Variants in FBXO11 observed in about 807,000 individuals in gnomAD.
FBXO11 encodes the protein F-box protein 11.
FBXO11 carries 13 observed loss-of-function variants against 117.0 expected under a neutral mutation model. That is an observed-to-expected ratio of 0.11 (90% confidence interval 0.07 to 0.18). The LOEUF is 0.18. Ranked by LOEUF, FBXO11 falls within the 10% of genes least tolerant of loss-of-function variation. FBXO11 has a pLI of 1.00. For synonymous variants in FBXO11, 490 were observed against 380.5 expected (o/e 1.29, Z -3.35); for missense variants, 767 against 1,164.4 (o/e 0.66, Z 4.97).
chr2:47,873,318 T>A (rs1053573619), intron 1 of FBXO11, among the ~76,000 whole-genome samples: 1 of 152,194 alleles, frequency 6.6e-6, no homozygotes, highest in East Asian at 1.9e-4. Context: ...GCTTTCCGCC[T>A]TGATGGTAAA....
chr2:47,807,146 G>T lies in FBXO11; in HGVS notation c.*972C>A. On this transcript the variant is annotated 3_prime_UTR_variant, in exon 23 of 23. Transcript: ENST00000403359. Reference sequence around the variant, plus strand: ...AGGAAAAGCTATGAAACTGTATAGGGCTGTATATATACTTGTCTCAGCTTA... The same window carrying T: ...AGGAAAAGCTATGAAACTGTATAGGTCTGTATATATACTTGTCTCAGCTTA... 2.5e-6 allele frequency: 1 copy of T among 393,750 alleles called. No individual in the cohort carries two copies. Among genetic ancestry groups the T allele is most frequent in the Admixed American group, 4.2e-5 (1 of 24,054 alleles). The allele number at this position is 393,750 out of a possible 1,614,324, so 24.4% of individuals were successfully genotyped here.
chr2:47,882,758 C>T (rs779292341), intron 1 of FBXO11, among the ~76,000 whole-genome samples: 6 of 152,102 alleles, frequency 3.9e-5, no homozygotes, highest in Non-Finnish European at 7.4e-5. Context: ...CTCAAGCCAT[C>T]TTCCCACCTC....
Position 47,839,019 on chromosome 2 carries a change from C to G in FBXO11, c.443-16G>C, listed in dbSNP as rs765258632. 3.1e-6 allele frequency: 5 copies of G among 1,592,556 alleles called. No individual in the cohort carries two copies. Among genetic ancestry groups the G allele is most frequent in the Admixed American group, 1.8e-5 (1 of 56,714 alleles). ...GCAGGTGCTGCTATAAAGAGATTAA[C>G]ATATAAACTATCATTCGAGCAATAA... On this transcript the variant is annotated splice_polypyrimidine_tract_variant and intron_variant, in intron 3 of 22. Coordinates refer to ENST00000403359, the MANE Select transcript of FBXO11 (RefSeq NM_001190274.2).
intron 1 of FBXO11, among the ~76,000 whole-genome samples, chr2:47,843,447 C>T (rs1368211647): frequency 4.1e-5 from 6 of 145,694 alleles, no homozygotes; most frequent in South Asian, 4.3e-4. Flanking sequence ...TTTTTTTTTG[C>T]CTGCAAATTT....
At chr2:47,839,083 T>A in intron 3 of FBXO11, 80 bp from the exon 4 acceptor site, 1 of 1,421,662 alleles carries the variant, frequency 7.0e-7, no homozygotes, top group East Asian at 2.3e-5. Context: ...TCATTTTATC[T>A]AATGAATAGC....
At chr2:47,808,305 A>G (rs751059588) in intron 22 of FBXO11, 24 bp downstream of exon 22, 6 of 1,612,470 alleles carry the variant, frequency 3.7e-6, no homozygotes, top group African/African-American at 2.7e-5. Flanking sequence ...ATTGGGTAAT[A>G]TATCAAGCAA....
intron 1 of FBXO11, among the ~76,000 whole-genome samples, chr2:47,884,245 A>T (rs1042178097): frequency 1.1e-4 from 16 of 152,174 alleles, no homozygotes; most frequent in African/African-American, 3.6e-4. Context: ...AAAATTATTT[A>T]AAAATACAGA....
chr2:47,879,042 G>T (rs560782025), intron 1 of FBXO11, among the ~76,000 whole-genome samples: 20 of 152,152 alleles, frequency 1.3e-4, no homozygotes, highest in Middle Eastern at 6.8e-3. Flanking sequence ...TCCAGGTAAC[G>T]CATGTTAAGA....
At chr2:47,831,002 T>C (rs1023119985) in intron 11 of FBXO11, among the ~76,000 whole-genome samples, 3 of 152,032 alleles carry the variant, frequency 2.0e-5, no homozygotes, top group African/African-American at 7.2e-5. Flanking sequence ...TTTCACCATG[T>C]TGTCCAGGCT....
chr2:47,822,125 C>T, intron 13 of FBXO11, 93 bp downstream of exon 13: 1 of 834,606 alleles, frequency 1.2e-6, no homozygotes, highest in South Asian at 1.6e-5. Context: ...ATCAGTGCTT[C>T]CACTTGGGTA....
intron 1 of FBXO11, among the ~76,000 whole-genome samples, chr2:47,854,353 T>G (rs1376555763): frequency 1.3e-5 from 2 of 152,024 alleles, no homozygotes; most frequent in Admixed American, 1.3e-4. Flanking sequence ...TAATGTTTAC[T>G]GTTCAGTCAA....
chr2:47,832,182 T>C (rs1672244870), intron 11 of FBXO11, among the ~76,000 whole-genome samples, 167 bp downstream of exon 11: 1 of 152,184 alleles, frequency 6.6e-6, no homozygotes. Flanking sequence ...ATGCATAAAT[T>C]TACAGAATAA....
At chr2:47,902,925 A>G (rs564579583) in intron 1 of FBXO11, among the ~76,000 whole-genome samples, 1 of 152,038 alleles carries the variant, frequency 6.6e-6, no homozygotes, top group African/African-American at 2.4e-5. Flanking sequence ...AGGTTAAAAA[A>G]AAAAAAACAA....
chr2:47,857,491 G>C (rs1674395861), intron 1 of FBXO11, among the ~76,000 whole-genome samples: 1 of 152,094 alleles, frequency 6.6e-6, no homozygotes, highest in African/African-American at 2.4e-5. Context: ...TGTGAGACAA[G>C]TAAAGACTAC....
chr2:47,865,528 T>C (rs979568742), intron 1 of FBXO11, among the ~76,000 whole-genome samples: 1 of 152,208 alleles, frequency 6.6e-6, no homozygotes, highest in African/African-American at 2.4e-5. Flanking sequence ...CCTAATGTCA[T>C]AGTGGAGCCT....
chr2:47,905,468 T>C (rs1193013949), intron 1 of FBXO11, 21 bp downstream of exon 1: 19 of 1,218,448 alleles, frequency 1.6e-5, no homozygotes, highest in Non-Finnish European at 1.8e-5. Flanking sequence ...GGCGGGCGGT[T>C]GGGAGGTAGC....
At chr2:47,833,169 A>G (rs1339500216) in intron 7 of FBXO11, 99 bp from the exon 8 acceptor site, 1 of 710,958 alleles carries the variant, frequency 1.4e-6, no homozygotes, top group Non-Finnish European at 2.4e-6. Context: ...AGTACTGAGT[A>G]GTGGGACTAA....
At chr2:47,881,590 A>G (rs908680126) in intron 1 of FBXO11, among the ~76,000 whole-genome samples, 11 of 152,078 alleles carry the variant, frequency 7.2e-5, no homozygotes, top group African/African-American at 2.7e-4. Flanking sequence ...GAATATGTTT[A>G]TATTTCTATT....
Position 47,832,435 on chromosome 2 carries a change from C to G in FBXO11, c.1312G>C (p.Val438Leu). 1.2e-6 allele frequency: 2 copies of G among 1,613,760 alleles called. No individual in the cohort carries two copies. Among genetic ancestry groups the G allele is most frequent in the Non-Finnish European group, 8.5e-7 (1 of 1,179,816 alleles). Residue 438 changes from valine (V) to leucine (L), a missense_variant, in exon 11 of 23, where the codon GTT becomes CTT. Transcript: ENST00000403359. ...ISNNALAGIWVKNHGNPIIRR... is the reference protein window; with the variant it reads ...ISNNALAGIWLKNHGNPIIRR... ...ATAATTGGGTTTCCATGATTTTTAA[C>G]CCAAATCCCAGCTAACGCATTATTG... is the stretch of plus-strand genomic sequence containing the variant.
Sources: allele counts gnomAD v4.1 joint callset (sites outside exome capture counted in the v4.1 genomes callset), GRCh38; gene constraint gnomAD v4.1.1; transcripts MANE v1.5; gene names NCBI Gene and HGNC (gene_info 2026-07-23, HGNC 2026-07-21).